KLRG1: variants seen among roughly 807,000 people sequenced by gnomAD.
KLRG1 encodes the protein killer cell lectin like receptor G1, also known as killer cell lectin-like receptor subfamily G member 1.
A neutral mutation model predicts 21.8 loss-of-function variants in KLRG1; 16 were observed. The ratio of observed to expected loss-of-function variants is 0.73; its 90% CI spans 0.50 to 1.11. The LOEUF is 1.11. Among genes scored for constraint, KLRG1 ranks in the 50% most tolerant of loss-of-function variants. The pLI, the probability that KLRG1 is intolerant of heterozygous loss-of-function variation, is 0.00. For synonymous variants in KLRG1, 69 were observed against 75.9 expected (o/e 0.91, Z 0.47); for missense variants, 173 against 218.3 (o/e 0.79, Z 1.31).
chr12:9,095,695 G>A, the KLRG1 span: 2 of 1,478,962 alleles, frequency 1.4e-6, no homozygotes, highest in South Asian at 2.3e-5. Context: ...GTAGCAGGTT[G>A]TAAACCTGTA....
chr12:9,039,296 A>G, the KLRG1 span, among the ~76,000 whole-genome samples: 1 of 152,250 alleles, frequency 6.6e-6, no homozygotes, highest in Non-Finnish European at 1.5e-5. Context: ...ACCAGCTTAG[A>G]TTGCGTATGT....
the KLRG1 span, chr12:9,066,120 C>T: frequency 6.6e-6 from 1 of 152,664 alleles, no homozygotes; most frequent in East Asian, 1.9e-4. Flanking sequence ...TGCTCCTCTT[C>T]ATCTGTCTCA....
At chr12:9,196,931 A>G in the KLRG1 span, 3 of 1,114,948 alleles carry the variant, frequency 2.7e-6, no homozygotes, top group Non-Finnish European at 4.0e-6. Flanking sequence ...GCTTGTCCTG[A>G]TGCCCTCTTT....
chr12:8,974,309 A>T (rs1946621250), intron 1 of KLRG1, among the ~76,000 whole-genome samples: 1 of 151,870 alleles, frequency 6.6e-6, no homozygotes, highest in Non-Finnish European at 1.5e-5. Context: ...CTGGGACTAC[A>T]AGCGTCCACC....
chr12:9,160,260 A>G, the KLRG1 span: 1 of 1,487,576 alleles, frequency 6.7e-7, no homozygotes, highest in South Asian at 1.2e-5. Context: ...CTGAAGCTTA[A>G]TTGGGAAAAG....
chr12:8,972,129 C>T (rs1010325607), intron 1 of KLRG1, among the ~76,000 whole-genome samples: 16 of 152,116 alleles, frequency 1.1e-4, no homozygotes, highest in African/African-American at 3.6e-4. Flanking sequence ...AGTAGTTTTA[C>T]AGTTTCAGGC....
At chr12:9,046,685 A>G in the KLRG1 span, among the ~76,000 whole-genome samples, 1 of 152,232 alleles carries the variant, frequency 6.6e-6, no homozygotes, top group Non-Finnish European at 1.5e-5. Flanking sequence ...GAAAGAAATT[A>G]AAAACTCAGA....
At chr12:8,968,094 A>G (rs992487229) in intron 1 of KLRG1, among the ~76,000 whole-genome samples, 1 of 152,240 alleles carries the variant, frequency 6.6e-6, no homozygotes, top group Non-Finnish European at 1.5e-5. Flanking sequence ...CAGAAAATAA[A>G]TAGAACATAC....
chr12:9,202,945 T>C, the KLRG1 span, among the ~76,000 whole-genome samples: 2 of 152,180 alleles, frequency 1.3e-5, no homozygotes, highest in Non-Finnish European at 2.9e-5. Flanking sequence ...TAACTGAGTA[T>C]GTATATTCTG....
At chr12:9,135,688 C>A in the KLRG1 span, 2 of 200,056 alleles carry the variant, frequency 1.0e-5, no homozygotes, top group Non-Finnish European at 2.0e-5. Context: ...AACCATGTCA[C>A]AGCTGTGAAG....
the KLRG1 span, chr12:9,152,267 C>A: frequency 6.2e-7 from 1 of 1,613,204 alleles, no homozygotes; most frequent in Non-Finnish European, 8.5e-7. Context: ...ACCATCTTTA[C>A]ATCAACAATC....
intron 1 of KLRG1, among the ~76,000 whole-genome samples, chr12:8,972,060 A>G (rs1230646217): frequency 6.6e-6 from 1 of 152,190 alleles, no homozygotes; most frequent in Non-Finnish European, 1.5e-5. Context: ...TTTTGGTGTT[A>G]CATCCAAAAA....
chr12:9,078,745 T>C, the KLRG1 span, among the ~76,000 whole-genome samples: 2 of 152,246 alleles, frequency 1.3e-5, no homozygotes, highest in Non-Finnish European at 2.9e-5. Context: ...TGACAGAATC[T>C]TCTCACATGC....
chr12:9,031,852 T>C, the KLRG1 span, among the ~76,000 whole-genome samples: 2 of 152,226 alleles, frequency 1.3e-5, no homozygotes, highest in Admixed American at 1.3e-4. Flanking sequence ...GTCTGACCCG[T>C]ATTAATTTCC....
chr12:9,072,553 C>T, the KLRG1 span: 2 of 1,600,402 alleles, frequency 1.2e-6, no homozygotes, highest in African/African-American at 2.7e-5. Flanking sequence ...CGTCCCTAAC[C>T]CTTTCTCTGA....
the KLRG1 span, among the ~76,000 whole-genome samples, chr12:9,134,486 A>G: frequency 1.3e-5 from 2 of 152,210 alleles, no homozygotes; most frequent in Non-Finnish European, 2.9e-5. Context: ...ATTGTCGACT[A>G]TAAGTACAAC....
At chr12:9,172,252 A>C in the KLRG1 span, among the ~76,000 whole-genome samples, 1 of 152,236 alleles carries the variant, frequency 6.6e-6, no homozygotes, top group Admixed American at 6.5e-5. Flanking sequence ...AAGCTTCAAA[A>C]GCAAAGGAGA....
At chr12:9,212,557 A>T in the KLRG1 span, among the ~76,000 whole-genome samples, 3 of 152,350 alleles carry the variant, frequency 2.0e-5, no homozygotes, top group East Asian at 3.9e-4. Flanking sequence ...GACAAAAAAC[A>T]TAACTGTCTA....
intron 3 of KLRG1, among the ~76,000 whole-genome samples, chr12:9,008,141 A>G (rs1317736938): frequency 6.6e-6 from 1 of 152,172 alleles, no homozygotes; most frequent in Non-Finnish European, 1.5e-5. Context: ...AAGATTGATG[A>G]GGATGCGGAA....
Sources: gnomAD v4.1 joint callset for allele counts (sites outside exome capture counted in the v4.1 genomes callset) on GRCh38, gnomAD v4.1.1 for gene constraint, MANE v1.5 for transcripts, NCBI Gene and HGNC (gene_info 2026-07-23, HGNC 2026-07-21) for gene names.